The following TMEM131L variants were observed in gnomAD, a reference collection of about 807,000 sequenced individuals.
The protein encoded by TMEM131L is transmembrane 131 like.
A neutral mutation model predicts 192.2 loss-of-function variants in TMEM131L; 54 were observed. The ratio of observed to expected loss-of-function variants is 0.28; its 90% CI spans 0.23 to 0.35. TMEM131L has a LOEUF of 0.35. Among genes scored for constraint, TMEM131L ranks in the 10% least tolerant of loss-of-function variants. TMEM131L has a pLI of 1.00. For synonymous variants in TMEM131L, 701 were observed against 704.9 expected (o/e 0.99, Z 0.09); for missense variants, 1,888 against 1,972.9 (o/e 0.96, Z 0.82).
chr4:153,584,716 C>G (rs1227021731), intron 11 of TMEM131L, 119 bp from the exon 12 acceptor site: 2 of 581,510 alleles, frequency 3.4e-6, no homozygotes, highest in Non-Finnish European at 5.8e-6. Flanking sequence ...GTCTGATTCA[C>G]TATTTTAATG....
At chr4:153,530,698 TTGAC>T (rs1735833868) in intron 3 of TMEM131L, among the ~76,000 whole-genome samples, 1 of 152,186 alleles carries the variant, frequency 6.6e-6, no homozygotes, top group Non-Finnish European at 1.5e-5. Context: ...GTCCCACTGT[TTGAC>T]TGAGTTGATA....
chr4:153,534,012 CG>C (rs1172871004), intron 3 of TMEM131L, among the ~76,000 whole-genome samples: 1 of 152,086 alleles, frequency 6.6e-6, no homozygotes, highest in South Asian at 2.1e-4. Flanking sequence ...GTTTGGGAAA[CG>C]TTTTTTATGA....
intron 3 of TMEM131L, among the ~76,000 whole-genome samples, chr4:153,528,113 A>T (rs544210623): frequency 1.3e-5 from 2 of 152,342 alleles, no homozygotes; most frequent in Admixed American, 1.3e-4. Context: ...AGAGGAAAAT[A>T]GACGTTATAC....
At chr4:153,599,413 C>G (rs565679333) in intron 21 of TMEM131L, among the ~76,000 whole-genome samples, 1 of 152,174 alleles carries the variant, frequency 6.6e-6, no homozygotes, top group African/African-American at 2.4e-5. Flanking sequence ...CAAACCATAT[C>G]AGCACCTGTA....
chr4:153,587,003 G>A (rs1040616837), intron 14 of TMEM131L, among the ~76,000 whole-genome samples: 1 of 151,858 alleles, frequency 6.6e-6, no homozygotes, highest in African/African-American at 2.4e-5. Flanking sequence ...GTTTTTCTAT[G>A]CAACATTCAT....
chr4:153,604,592 A>G (rs948130166), intron 25 of TMEM131L, among the ~76,000 whole-genome samples, 162 bp downstream of exon 25: 13 of 152,272 alleles, frequency 8.5e-5, no homozygotes, highest in African/African-American at 3.1e-4. Context: ...AAGACAAGAC[A>G]TCAAGCTTTT....
chr4:153,491,546 G>A (rs1732780285), intron 3 of TMEM131L, among the ~76,000 whole-genome samples: 1 of 151,924 alleles, frequency 6.6e-6, no homozygotes. Context: ...TTTGTTTAGG[G>A]ACAATTTAAA....
intron 5 of TMEM131L, among the ~76,000 whole-genome samples, chr4:153,556,216 ATTAC>A (rs1290049143): frequency 3.3e-5 from 5 of 152,164 alleles, no homozygotes; most frequent in Admixed American, 6.6e-5. Context: ...GAAAGTTTAT[ATTAC>A]TTGTCTTGAA....
intron 19 of TMEM131L, 37 bp downstream of exon 19, chr4:153,593,908 A>G: frequency 7.4e-7 from 1 of 1,346,456 alleles, no homozygotes; most frequent in African/African-American, 1.4e-5. Flanking sequence ...AAGAATGCCG[A>G]CAAACTAGAC....
chr4:153,498,514 G>A (rs1176591569), intron 3 of TMEM131L, among the ~76,000 whole-genome samples: 18 of 152,302 alleles, frequency 1.2e-4, no homozygotes, highest in Non-Finnish European at 2.5e-4. Flanking sequence ...ATGGCTAATC[G>A]CACTATGTGA....
intron 4 of TMEM131L, among the ~76,000 whole-genome samples, chr4:153,552,553 G>A (rs1050026285): frequency 5.9e-5 from 9 of 152,114 alleles, no homozygotes; most frequent in African/African-American, 1.4e-4. Context: ...TCTAGAGGCC[G>A]GGCACGGTGG....
intron 26 of TMEM131L, among the ~76,000 whole-genome samples, chr4:153,615,203 T>G (rs1176067393): frequency 6.6e-6 from 1 of 152,220 alleles, no homozygotes; most frequent in Non-Finnish European, 1.5e-5. Context: ...TTGTGAAGAT[T>G]AAATGGGCTA....
intron 7 of TMEM131L, among the ~76,000 whole-genome samples, chr4:153,580,315 G>C (rs1578791088): frequency 6.6e-6 from 1 of 152,212 alleles, no homozygotes; most frequent in East Asian, 1.9e-4. Flanking sequence ...TGTTAAAAAT[G>C]ATAGTCAGTT....
At chr4:153,501,697 A>G (rs528186494) in intron 3 of TMEM131L, among the ~76,000 whole-genome samples, 319 of 152,216 alleles carry the variant, frequency 2.1e-3, no homozygotes, top group African/African-American at 7.4e-3. Flanking sequence ...TGAGACAGAA[A>G]ACCCAGTAAC....
In TMEM131L at chr4:153,584,829, A is replaced by G. The variant is rs372663350; in HGVS notation, c.1061-6A>G. The G allele has an allele frequency of 5.6e-6, 9 of 1,609,614 alleles. No homozygotes were observed. The highest frequency in any genetic ancestry group is 2.2e-5 in the East Asian group (1 of 44,852). ...AGCTTCACATTTATTTCTTTATACC[A>G]CAAAGCAGCTACATCATGTGACAGT... On this transcript the variant is annotated splice_region_variant and splice_polypyrimidine_tract_variant and intron_variant, in intron 11 of 34. Coordinates refer to ENST00000409959, the MANE Select transcript of TMEM131L (RefSeq NM_001131007.2).
chr4:153,511,207 A>G (rs943416155), intron 3 of TMEM131L, among the ~76,000 whole-genome samples: 1 of 152,252 alleles, frequency 6.6e-6, no homozygotes, highest in Non-Finnish European at 1.5e-5. Context: ...CACTATTCAC[A>G]GTAGCAGAGA....
At chr4:153,560,811 G>A (rs371751374) in intron 7 of TMEM131L, among the ~76,000 whole-genome samples, 20 of 152,130 alleles carry the variant, frequency 1.3e-4, no homozygotes, top group East Asian at 1.2e-3. Flanking sequence ...GGACATTTGC[G>A]TTGTTTCTAC....
chr4:153,621,654 GT>G lies in TMEM131L; in HGVS notation c.3693-22del, dbSNP rs112486435. ...TGTGTACATGATAAAATACAGATGT[GT>G]TTTTTTGTGTGTGTGTGTCTTTTCC... On this transcript the variant is annotated intron_variant, in intron 27 of 34. Transcript: ENST00000409959. The G allele has an allele frequency of 1.9e-6, 3 of 1,573,710 alleles. No individual in the cohort carries two copies. In the East Asian group the frequency reaches 6.8e-5, roughly 36 times the overall value.
chr4:153,495,758 C>G (rs1366710533), intron 3 of TMEM131L, among the ~76,000 whole-genome samples: 2 of 152,060 alleles, frequency 1.3e-5, no homozygotes, highest in Non-Finnish European at 2.9e-5. Context: ...CAAGGAATTT[C>G]CTTGTGGGTA....
Sources: allele counts gnomAD v4.1 joint callset (sites outside exome capture counted in the v4.1 genomes callset), GRCh38; gene constraint gnomAD v4.1.1; transcripts MANE v1.5; gene names NCBI Gene and HGNC (gene_info 2026-07-23, HGNC 2026-07-21).